Variants in MCF2 observed in about 807,000 individuals in gnomAD.
The protein encoded by MCF2 is proto-oncogene DBL.
MCF2 carries 44 observed loss-of-function variants against 82.5 expected under a neutral mutation model. That is an observed-to-expected ratio of 0.53 (90% confidence interval 0.42 to 0.69). The LOEUF is 0.69. MCF2 is among the 30% of genes least tolerant of loss of function. MCF2 has a pLI of 0.00. For missense variants in MCF2, 623 were observed against 663.1 expected, an observed-to-expected ratio of 0.94 and a Z score of 0.66; for synonymous variants, 217 against 224.9, an observed-to-expected ratio of 0.96 and a Z score of 0.32.
At chrX:139,655,381 C>T (rs1218154512) in intron 1 of MCF2, among the ~76,000 whole-genome samples, 1 of 111,402 alleles carries the variant, frequency 9.0e-6, no homozygotes, top group African/African-American at 3.3e-5. Context: ...ATTTTTGTAG[C>T]TATTGTAAAT....
intron 1 of MCF2, among the ~76,000 whole-genome samples, chrX:139,653,293 G>T (rs1934093633): frequency 8.9e-6 from 1 of 112,060 alleles, no homozygotes; most frequent in African/African-American, 3.2e-5. Flanking sequence ...TGCAAAAGTG[G>T]CAATAGTTAA....
chrX:139,599,589 G>C (rs1229341879), intron 16 of MCF2, among the ~76,000 whole-genome samples: 1 of 111,100 alleles, frequency 9.0e-6, no homozygotes, highest in Non-Finnish European at 1.9e-5. Context: ...ACCTCTGAAA[G>C]TGGGAGGTAA....
intron 1 of MCF2, among the ~76,000 whole-genome samples, chrX:139,678,356 T>C (rs1468083876): frequency 9.0e-6 from 1 of 111,505 alleles, no homozygotes; most frequent in African/African-American, 3.3e-5. Context: ...TCTTACACTG[T>C]TGGGAATCAG....
At chrX:139,667,549 T>C (rs1463839540) in intron 1 of MCF2, among the ~76,000 whole-genome samples, 1 of 111,713 alleles carries the variant, frequency 9.0e-6, no homozygotes, top group African/African-American at 3.3e-5. Flanking sequence ...AGGAGGAATG[T>C]TCAGGTGCCC....
Position 139,615,204 on chromosome X carries a change from G to A in MCF2, c.1192-152C>T, listed in dbSNP as rs1334720290. On this transcript the variant is annotated intron_variant, in intron 9 of 24. Transcript: ENST00000370576. ...TAGAAAAATAACAAGACAGATTAAT[G>A]TATTATGTTCACATGGATATAAAAC... The A allele has an allele frequency of 2.4e-5, 11 of 467,945 alleles. No homozygotes were observed. In the East Asian group the frequency reaches 3.5e-4, roughly 15 times the overall value. 38.6% of individuals were successfully genotyped at this position (467,945 alleles called of 1,213,427 possible).
At chrX:139,595,150 A>C (rs1250376680) in intron 19 of MCF2, among the ~76,000 whole-genome samples, 7 of 109,076 alleles carry the variant, frequency 6.4e-5, no homozygotes, top group African/African-American at 2.3e-4. Flanking sequence ...TAGTTCAACC[A>C]TTGTGGAAGT....
intron 11 of MCF2, among the ~76,000 whole-genome samples, chrX:139,608,464 G>A (rs762828426): frequency 3.5e-4 from 39 of 111,078 alleles, no homozygotes; most frequent in African/African-American, 7.2e-4. Context: ...CTGGCCTACC[G>A]AGTCAACTGC....
chrX:139,614,776 A>G (rs969640390), intron 10 of MCF2, 105 bp downstream of exon 13: 2 of 787,781 alleles, frequency 2.5e-6, no homozygotes, highest in Admixed American at 6.1e-5. Context: ...GCTAAAGTGA[A>G]ATTTTCATCT....
chrX:139,584,128 CTTT>C (rs1163854425), intron 24 of MCF2, among the ~76,000 whole-genome samples: 25 of 72,639 alleles, frequency 3.4e-4, no homozygotes, highest in African/African-American at 1.3e-3. Flanking sequence ...TGCCATTATC[CTTT>C]TTTTTTTTTT....
upstream of MCF2, chrX:139,646,763 G>T: frequency 1.2e-6 from 1 of 868,023 alleles, no homozygotes; most frequent in Non-Finnish European, 1.6e-6. Flanking sequence ...AAAGCGAATT[G>T]AAAAAAATGT....
At chrX:139,694,835 T>C (rs1935349398) in intron 1 of MCF2, among the ~76,000 whole-genome samples, 1 of 110,058 alleles carries the variant, frequency 9.1e-6, no homozygotes, top group African/African-American at 3.3e-5. Flanking sequence ...TTTATGGATT[T>C]TTTATCCATA....
intron 1 of MCF2, among the ~76,000 whole-genome samples, chrX:139,656,236 T>C (rs1483429318): frequency 9.0e-6 from 1 of 111,134 alleles, no homozygotes; most frequent in Non-Finnish European, 1.9e-5. Flanking sequence ...TAATTTTTTG[T>C]GTTTTTTAGT....
chrX:139,650,708 C>A (rs10521801), intron 2 of MCF2, among the ~76,000 whole-genome samples: 12,293 of 111,387 alleles, frequency 0.11, 612 homozygotes, highest in Admixed American at 0.22. Flanking sequence ...GATGGTTTAC[C>A]ATAGTTACGT....
chrX:139,699,928 A>T (rs1354709730), intron 1 of MCF2, among the ~76,000 whole-genome samples: 1 of 112,325 alleles, frequency 8.9e-6, no homozygotes, highest in Non-Finnish European at 1.9e-5. Context: ...TTTTGAAAGT[A>T]TTCTCAGGAC....
chrX:139,651,533 C>T (rs1010488711), intron 2 of MCF2, among the ~76,000 whole-genome samples, 187 bp downstream of exon 2: 11 of 111,741 alleles, frequency 9.8e-5, no homozygotes, highest in Admixed American at 3.8e-4. Flanking sequence ...TCCAATTATT[C>T]TCTAAATGTC....
intron 16 of MCF2, among the ~76,000 whole-genome samples, chrX:139,599,683 C>A (rs756430586): frequency 2.2e-4 from 25 of 111,366 alleles, no homozygotes; most frequent in Non-Finnish European, 4.0e-4. Flanking sequence ...GGATATGGAG[C>A]AATTAATACC....
At chrX:139,687,063 TAC>T (rs140403182) in intron 1 of MCF2, among the ~76,000 whole-genome samples, 8 of 105,670 alleles carry the variant, frequency 7.6e-5, no homozygotes, top group Admixed American at 4.1e-4. Context: ...CACACACACA[TAC>T]ACACACACAC....
intron 19 of MCF2, among the ~76,000 whole-genome samples, chrX:139,596,109 A>G (rs998899011): frequency 1.8e-5 from 2 of 111,249 alleles, no homozygotes; most frequent in African/African-American, 6.5e-5. Context: ...GCTAAACACA[A>G]AAGTTACCCA....
intron 2 of MCF2, among the ~76,000 whole-genome samples, chrX:139,651,188 G>T (rs1042236962): frequency 8.1e-5 from 9 of 110,815 alleles, no homozygotes; most frequent in African/African-American, 2.7e-4. Context: ...ATGATAAGTT[G>T]TATGTTAAAT....
Sources: gnomAD v4.1 joint callset for allele counts (sites outside exome capture counted in the v4.1 genomes callset) on GRCh38, gnomAD v4.1.1 for gene constraint, MANE v1.5 for transcripts, NCBI Gene and HGNC (gene_info 2026-07-23, HGNC 2026-07-21) for gene names.